Variants in ASCC3 observed in about 807,000 individuals in gnomAD.
ASCC3 encodes the protein activating signal cointegrator 1 complex subunit 3.
Under a neutral mutation model 256.3 loss-of-function variants are expected in ASCC3, and 158 were observed. The observed-to-expected ratio is 0.62, with a 90% CI of 0.54 to 0.70. ASCC3 has a LOEUF of 0.70. Ranked by LOEUF, ASCC3 falls within the 30% of genes least tolerant of loss-of-function variation. The pLI, the probability that ASCC3 is intolerant of heterozygous loss-of-function variation, is 0.00. For missense variants in ASCC3, 2,259 were observed against 2,626.0 expected (o/e 0.86, Z 3.05); for synonymous variants, 948 against 883.4 (o/e 1.07, Z -1.30).
chr6:100,636,596 G>A (rs115216793), intron 25 of ASCC3, among the ~76,000 whole-genome samples: 2,268 of 152,272 alleles, frequency 0.015, 42 homozygotes, highest in African/African-American at 0.052. Context: ...TAGGGAGGAA[G>A]GCATGTCGAA....
At chr6:100,823,960 T>C (rs993251012) in intron 4 of ASCC3, among the ~76,000 whole-genome samples, 5 of 152,042 alleles carry the variant, frequency 3.3e-5, no homozygotes, top group African/African-American at 1.2e-4. Context: ...AATACAAAAT[T>C]AGAAGTAATG....
At chr6:100,749,331 G>T (rs1780832550) in intron 10 of ASCC3, among the ~76,000 whole-genome samples, 1 of 151,938 alleles carries the variant, frequency 6.6e-6, no homozygotes, top group Admixed American at 6.6e-5. Context: ...CCCTGGAAAA[G>T]AATTTAACAA....
chr6:100,582,595 A>T (rs988028025), intron 36 of ASCC3, among the ~76,000 whole-genome samples: 20 of 151,958 alleles, frequency 1.3e-4, no homozygotes, highest in African/African-American at 3.6e-4. Flanking sequence ...TCCTGCCTAA[A>T]TGCCCTGGCC....
Position 100,625,186 on chromosome 6 carries a change from G to T in ASCC3, c.4785+6C>A. The T allele has an allele frequency of 6.2e-7, 1 of 1,612,138 alleles. No homozygotes were observed. The highest frequency in any genetic ancestry group is 8.5e-7 in the Non-Finnish European group (1 of 1,178,710). On this transcript the variant is annotated splice_donor_region_variant and intron_variant, in intron 30 of 41. Coordinates refer to ENST00000369162, the MANE Select transcript of ASCC3 (RefSeq NM_006828.4). ...TAAGTAGTAGAAGATAAAATATGTT[G>T]CTTACCTCTCTTTCATCCATGTTTA...
intron 30 of ASCC3, among the ~76,000 whole-genome samples, chr6:100,615,712 A>T (rs1773636931): frequency 6.6e-6 from 1 of 152,214 alleles, no homozygotes; most frequent in East Asian, 1.9e-4. Flanking sequence ...CTACCAACTA[A>T]GGCAAAATAA....
chr6:100,784,834 G>A (rs1782615638), intron 8 of ASCC3, among the ~76,000 whole-genome samples: 1 of 151,856 alleles, frequency 6.6e-6, no homozygotes, highest in Non-Finnish European at 1.5e-5. Context: ...TAAACAAAAG[G>A]AGAAAGGCCT....
chr6:100,601,862 A>G lies in ASCC3; in HGVS notation c.5251T>C (p.Leu1751=), dbSNP rs770683316. Residue 1751 remains leucine, a synonymous_variant, in exon 34 of 42, where the codon TTG becomes CTG. Coordinates refer to ENST00000369162, the MANE Select transcript of ASCC3 (RefSeq NM_006828.4). ...AAGTAAGTCCAGGTGATATAATCCA[A>G]TGCATCTTGCTTAGATGTAATTGTA... The part of the protein sequence containing the change: ...GGTITSKQDA[L]DYITWTYFFR... 1 of 1,612,756 alleles carries G rather than the reference A, an allele frequency of 6.2e-7. No individual in the cohort carries two copies. Among genetic ancestry groups the G allele is most frequent in the Non-Finnish European group, 8.5e-7 (1 of 1,179,034 alleles).
rs746348513 is a variant in ASCC3 at position 100,661,861 on chromosome 6, C to T, written c.2648G>A (p.Arg883Gln). Residue 883 changes from arginine (R) to glutamine (Q), a missense_variant, in exon 16 of 42, where the codon CGA (arginine) becomes CAA (glutamine). Coordinates refer to ENST00000369162, the MANE Select transcript of ASCC3 (RefSeq NM_006828.4). The stretch of plus-strand genomic sequence containing the variant: ...CAGAAACTGACTCTCAATTGGGTTT[C>T]GTTGAGTGAGCAAAGTGAGGTAATG... ...LSHYLTLLTQRNPIESQFLES... is the reference protein window; with the variant it reads ...LSHYLTLLTQQNPIESQFLES... 4.3e-6 allele frequency: 7 copies of T among 1,613,272 alleles called. No homozygotes were observed. The highest frequency in any genetic ancestry group is 2.2e-5 in the East Asian group (1 of 44,842).
chr6:100,582,743 T>G (rs1490827983), intron 36 of ASCC3, among the ~76,000 whole-genome samples: 1 of 152,106 alleles, frequency 6.6e-6, no homozygotes, highest in African/African-American at 2.4e-5. Context: ...TAGCTCTTAT[T>G]ATTTTGAGAT....
At chr6:100,612,552 A>G (rs756119345) in intron 30 of ASCC3, among the ~76,000 whole-genome samples, 4 of 152,080 alleles carry the variant, frequency 2.6e-5, no homozygotes, top group South Asian at 2.1e-4. Flanking sequence ...AAGAATCATA[A>G]AAGTTCTGAA....
At chr6:100,561,504 C>G (rs1346824204) in intron 36 of ASCC3, among the ~76,000 whole-genome samples, 1 of 152,060 alleles carries the variant, frequency 6.6e-6, no homozygotes, top group African/African-American at 2.4e-5. Flanking sequence ...TGGTATCACC[C>G]ACGTCACTTT....
chr6:100,792,167 T>C (rs1351092688), intron 8 of ASCC3, among the ~76,000 whole-genome samples: 1 of 151,922 alleles, frequency 6.6e-6, no homozygotes, highest in Non-Finnish European at 1.5e-5. Flanking sequence ...TACTTATCAG[T>C]TTTCCTAGTA....
intron 4 of ASCC3, among the ~76,000 whole-genome samples, chr6:100,819,269 C>T (rs1770922792): frequency 6.6e-6 from 1 of 151,978 alleles, no homozygotes; most frequent in African/African-American, 2.4e-5. Flanking sequence ...ACCTATGTAT[C>T]AAACCTACAC....
intron 10 of ASCC3, among the ~76,000 whole-genome samples, chr6:100,737,980 T>G (rs953037604): frequency 2.6e-5 from 4 of 152,220 alleles, no homozygotes; most frequent in African/African-American, 9.6e-5. Flanking sequence ...TGATCAGTGA[T>G]GTTGAGCTGT....
chr6:100,725,596 C>A lies in ASCC3; in HGVS notation c.1845G>T (p.Leu615Phe). The part of the protein sequence containing the change: ...VRLLILDEVH[L>F]LHEDRGPVLE... ...ATACTGGTCCTCTATCTTCATGCAG[C>A]AAATGAACTTCATCAAGAATAAGGA... Residue 615 changes from leucine (L) to phenylalanine (F), a missense_variant, in exon 11 of 42, where the codon TTG becomes TTT. Transcript: ENST00000369162. 6.2e-7 allele frequency: 1 copy of A among 1,612,834 alleles called. No homozygotes were observed.
chr6:100,697,602 T>C (rs914868014), intron 13 of ASCC3, among the ~76,000 whole-genome samples: 1 of 152,000 alleles, frequency 6.6e-6, no homozygotes, highest in African/African-American at 2.4e-5. Context: ...CTTCCAATTA[T>C]TTCCAAAATT....
intron 34 of ASCC3, among the ~76,000 whole-genome samples, chr6:100,600,205 GCACACACACA>G (rs56886686): frequency 8.9e-5 from 13 of 145,766 alleles, no homozygotes; most frequent in South Asian, 2.2e-4. Context: ...ACATGCACAT[GCACACACACA>G]CACACACACA....
At chr6:100,583,317 G>A (rs1289246900) in intron 36 of ASCC3, among the ~76,000 whole-genome samples, 1 of 152,014 alleles carries the variant, frequency 6.6e-6, no homozygotes, top group African/African-American at 2.4e-5. Context: ...AGTCTTGGGA[G>A]GGTGTATGTG....
chr6:100,544,438 A>G (rs1318288644), intron 36 of ASCC3, among the ~76,000 whole-genome samples: 1 of 152,140 alleles, frequency 6.6e-6, no homozygotes, highest in Non-Finnish European at 1.5e-5. Context: ...GATCAGGGAA[A>G]AAGGAGAGAA....
Sources: allele counts gnomAD v4.1 joint callset (sites outside exome capture counted in the v4.1 genomes callset), GRCh38; gene constraint gnomAD v4.1.1; transcripts MANE v1.5; gene names NCBI Gene and HGNC (gene_info 2026-07-23, HGNC 2026-07-21).